FAM20A: variants seen among roughly 807,000 people sequenced by gnomAD.
FAM20A encodes the protein pseudokinase FAM20A.
Under a neutral mutation model 52.0 loss-of-function variants are expected in FAM20A, and 42 were observed. That is an observed-to-expected ratio of 0.81 (90% confidence interval 0.63 to 1.04). The LOEUF (loss-of-function observed/expected upper bound fraction) is 1.04. FAM20A is among the 50% of genes least tolerant of loss of function. The pLI, the probability that FAM20A is intolerant of heterozygous loss-of-function variation, is 0.00. For synonymous variants in FAM20A, 304 were observed against 298.9 expected, an observed-to-expected ratio of 1.02 and a Z score of -0.18; for missense variants, 742 against 712.7, an observed-to-expected ratio of 1.04 and a Z score of -0.47.
chr17:68,578,063 C>A (rs1037404096), intron 1 of FAM20A, among the ~76,000 whole-genome samples: 1 of 152,120 alleles, frequency 6.6e-6, no homozygotes, highest in Non-Finnish European at 1.5e-5. Flanking sequence ...GACAGGTGTC[C>A]TCTCTTTCCT....
At chr17:68,592,171 A>T (rs191654902) in intron 1 of FAM20A, among the ~76,000 whole-genome samples, 88 of 152,296 alleles carry the variant, frequency 5.8e-4, no homozygotes, top group African/African-American at 2.1e-3. Context: ...TATGGAATTG[A>T]GGTTGGTCAA....
rs2088567696 is a variant in FAM20A, at chr17:68,600,049, T to C, written c.404+214A>G. ...CTGTGCGGCTGCAATAGAAACTTTT[T>C]CCTCGTACTATCTGACTCCGGGACT... On this transcript the variant is annotated intron_variant, in intron 1 of 10. Transcript: ENST00000592554. This position sits in a 1 kb window ranked among gnomAD's most constrained non-coding sequence, Gnocchi z 6.2. Among the ~76,000 whole-genome samples the C allele has an allele frequency of 6.6e-6, 1 of 152,160 alleles. No homozygotes were observed. The highest frequency in any genetic ancestry group is 1.5e-5 in the Non-Finnish European group (1 of 68,014).
At chr17:68,541,041 C>G (rs780564483) in intron 7 of FAM20A, 83 bp from the exon 8 acceptor site, 54 of 1,542,088 alleles carry the variant, frequency 3.5e-5, no homozygotes, top group Middle Eastern at 4.6e-4. Context: ...CCCTGCCCCC[C>G]CAATCCCTGC....
At chr17:68,562,315 T>C (rs2087236807) in intron 1 of FAM20A, among the ~76,000 whole-genome samples, 1 of 152,242 alleles carries the variant, frequency 6.6e-6, no homozygotes. Flanking sequence ...GATATCTCTA[T>C]ATGTAGTGAC....
At chr17:68,555,489 G>C in intron 2 of FAM20A, 70 bp downstream of exon 2, 1 of 1,560,604 alleles carries the variant, frequency 6.4e-7, no homozygotes, top group Non-Finnish European at 8.8e-7. Context: ...CTGGAGCCTA[G>C]CCTGGGATGC....
chr17:68,542,845 G>A (rs1452588524), intron 5 of FAM20A, 36 bp from the exon 6 acceptor site: 13 of 1,510,278 alleles, frequency 8.6e-6, no homozygotes, highest in Non-Finnish European at 1.2e-5. Flanking sequence ...TCTGAGGGAT[G>A]ATCAGGGAGT....
chr17:68,540,739 AG>A lies in FAM20A; in HGVS notation c.1219+109del, dbSNP rs1270513920. Reference sequence around the variant, plus strand: ...ACTTCTGAGGCTGTGGGAGGTGCAGAGTTACTCAGTCCTCATGAACCAGGTT... The same window carrying A: ...ACTTCTGAGGCTGTGGGAGGTGCAGATTACTCAGTCCTCATGAACCAGGTT... On this transcript the variant is annotated intron_variant, in intron 8 of 10. Coordinates refer to ENST00000592554, the MANE Select transcript of FAM20A (RefSeq NM_017565.4). The A allele has an allele frequency of 2.3e-6, 3 of 1,333,328 alleles. No individual in the cohort carries two copies. The East Asian group carries it at 7.6e-5, about 34-fold the overall frequency. 82.6% of individuals were successfully genotyped at this position (1,333,328 alleles called of 1,614,324 possible).
At chr17:68,551,668 G>T (rs1353670303) in intron 4 of FAM20A, among the ~76,000 whole-genome samples, 6 of 149,030 alleles carry the variant, frequency 4.0e-5, no homozygotes, top group Middle Eastern at 3.2e-3. Context: ...GCCTGAAAAA[G>T]ACAAGCTCTT....
chr17:68,537,774 C>G lies in FAM20A; in HGVS notation c.1362-33G>C. ...GACAAAGTTACAGGAACCAAATAAG[C>G]AAATGTAAAGAAAATAACTTGCCTG... is the stretch of plus-strand genomic sequence containing the variant. On this transcript the variant is annotated intron_variant, in intron 10 of 10. Transcript: ENST00000592554. The surrounding 1 kb of genome is among the most constrained non-coding windows in gnomAD (Gnocchi z 4.2). The G allele has an allele frequency of 6.3e-7, 1 of 1,591,824 alleles. No homozygotes were observed. Among genetic ancestry groups the G allele is most frequent in the Non-Finnish European group, 8.6e-7 (1 of 1,168,282 alleles).
intron 1 of FAM20A, among the ~76,000 whole-genome samples, chr17:68,574,255 G>A (rs1303995284): frequency 6.6e-6 from 1 of 152,220 alleles, no homozygotes; most frequent in African/African-American, 2.4e-5. Context: ...TATAGAGACA[G>A]GATCTCCCTA....
Position 68,559,845 on chromosome 17 carries a change from C to T in FAM20A, c.405-4102G>A, listed in dbSNP as rs1438473480. ...CTGTTCTGAAACTTGCTTTATTTTC[C>T]TGTCAATAGGTTCTGGTGATTTTTC... On this transcript the variant is annotated intron_variant, in intron 1 of 10. Transcript: ENST00000592554. Among the ~76,000 whole-genome samples, 6 of 152,086 alleles carry T rather than the reference C, an allele frequency of 3.9e-5. No individual in the cohort carries two copies. The South Asian group carries it at 1.0e-3, about 26-fold the overall frequency.
At position 68,537,726 on chromosome 17, in the gene FAM20A, T is replaced by G; in HGVS notation, c.1377A>C (p.Thr459=). The change falls in exon 11 of 11, where the codon ACA becomes ACC. Residue 459 remains threonine (T), a synonymous_variant. Transcript: ENST00000592554. This position sits in a 1 kb window ranked among gnomAD's most constrained non-coding sequence, Gnocchi z 4.2. ...GGGCCAGCAGCTGCAGGTGCAAAAG[T>G]GTTTTCTTTTTTATCCTGAAAAGAC... ...LSQCCMIKKK[T]LLHLQLLAQA... The G allele has an allele frequency of 6.2e-7, 1 of 1,611,944 alleles. No individual in the cohort carries two copies. Among genetic ancestry groups the G allele is most frequent in the Non-Finnish European group, 8.5e-7 (1 of 1,178,950 alleles).
intron 1 of FAM20A, among the ~76,000 whole-genome samples, chr17:68,574,024 G>A (rs1283392627): frequency 6.6e-6 from 1 of 151,926 alleles, no homozygotes; most frequent in African/African-American, 2.4e-5. Context: ...CAAGGTTGAG[G>A]GGCATATCTG....
Position 68,536,640 on chromosome 17 carries a change from G to T in FAM20A, c.*837C>A, listed in dbSNP as rs1277919715. The T allele has an allele frequency of 2.2e-6, 1 of 452,324 alleles. No individual in the cohort carries two copies. The highest frequency in any genetic ancestry group is 2.4e-5 in the Admixed American group (1 of 42,212). The allele number at this position is 452,324 out of a possible 1,614,324, so 28.0% of individuals were successfully genotyped here. A position where few individuals can be genotyped will look rare whatever the true frequency, so the allele number is the denominator to read the frequency against. On this transcript the variant is annotated 3_prime_UTR_variant, in exon 11 of 11. Coordinates refer to ENST00000592554, the MANE Select transcript of FAM20A (RefSeq NM_017565.4). Reference sequence around the variant, plus strand: ...TTAGGGAAGAAGATTGTGGTTGGTGGGCTGTAGTCAGCCTTGGCTCTTTTC... The same window carrying T: ...TTAGGGAAGAAGATTGTGGTTGGTGTGCTGTAGTCAGCCTTGGCTCTTTTC...
intron 1 of FAM20A, among the ~76,000 whole-genome samples, chr17:68,592,660 C>T (rs2088345853): frequency 6.6e-6 from 1 of 152,242 alleles, no homozygotes; most frequent in Admixed American, 6.5e-5. Context: ...AATCTCATCT[C>T]TTTCCACACC....
intron 1 of FAM20A, among the ~76,000 whole-genome samples, chr17:68,572,019 T>TATATATA (rs2087572745): frequency 8.5e-6 from 1 of 117,386 alleles, no homozygotes; most frequent in African/African-American, 3.4e-5. Context: ...TATATATATA[T>TATATATA]ATATATATAT....
At chr17:68,581,770 T>G (rs2088012918) in intron 1 of FAM20A, among the ~76,000 whole-genome samples, 1 of 151,978 alleles carries the variant, frequency 6.6e-6, no homozygotes, top group Non-Finnish European at 1.5e-5. Context: ...GAGACAGGGT[T>G]TCACCATGTT....
rs769616744 is a variant in FAM20A, at chr17:68,540,853, CAA to C, written c.1213_1214del (p.Leu405AspfsTer10). 1 of 1,598,406 alleles carries C rather than the reference CAA, an allele frequency of 6.3e-7. No individual in the cohort carries two copies. The highest frequency in any genetic ancestry group is 1.3e-5 in the African/African-American group (1 of 74,736). On this transcript the variant is annotated frameshift_variant, in exon 8 of 11. Coordinates refer to ENST00000592554, the MANE Select transcript of FAM20A (RefSeq NM_017565.4). LOFTEE classifies it high-confidence loss of function. Reference sequence around the variant, plus strand: ...GGCCTGCGTGTGGGGACCTACCTATCAAGAAGTCGAAGATGGCCATGTCGATG... The same window carrying C: ...GGCCTGCGTGTGGGGACCTACCTATCGAAGTCGAAGATGGCCATGTCGATG... ...NVIDMAIFDF[L>X]IGNMDRHHYE...
At chr17:68,585,510 G>T in intron 1 of FAM20A, among the ~76,000 whole-genome samples, 1 of 151,266 alleles carries the variant, frequency 6.6e-6, no homozygotes, top group African/African-American at 2.4e-5. Context: ...TAAGTTCTAG[G>T]GTACATGGGC....
Sources: allele counts gnomAD v4.1 joint callset (sites outside exome capture counted in the v4.1 genomes callset), GRCh38; gene constraint gnomAD v4.1.1; non-coding constraint Gnocchi (gnomAD v3.1); transcripts MANE v1.5; gene names NCBI Gene and HGNC (gene_info 2026-07-23, HGNC 2026-07-21).